CLIP2: variants seen among roughly 807,000 people sequenced by gnomAD.
The protein encoded by CLIP2 is CAP-Gly domain containing linker protein 2, also known as CAP-Gly domain-containing linker protein 2.
A neutral mutation model predicts 111.7 loss-of-function variants in CLIP2; 41 were observed. The ratio of observed to expected loss-of-function variants is 0.37; its 90% CI spans 0.29 to 0.48. The LOEUF is 0.48. CLIP2 is among the 20% of genes least tolerant of loss of function. The pLI is 0.99. For synonymous variants in CLIP2, 660 were observed against 644.2 expected (o/e 1.02, Z -0.37); for missense variants, 1,160 against 1,422.1 (o/e 0.82, Z 2.96).
At chr7:74,346,067 C>T (rs1554306177) in intron 3 of CLIP2, among the ~76,000 whole-genome samples, 2 of 151,988 alleles carry the variant, frequency 1.3e-5, no homozygotes, top group Non-Finnish European at 2.9e-5. Flanking sequence ...CACCCTCAAA[C>T]TCCTGGGTTC....
rs528598747 is a variant in CLIP2 at position 74,384,165 on chromosome 7, G to A, written c.2480-2356G>A. ...AGATCGCGCCACTGCACTCCTGCCT[G>A]GGTGACAGAGTGAGACTCCATCTCA... On this transcript the variant is annotated intron_variant, in intron 11 of 16. Transcript: ENST00000223398. Among the ~76,000 whole-genome samples, 7 of 152,126 alleles carry A rather than the reference G, an allele frequency of 4.6e-5. No homozygotes were observed. In the East Asian group the frequency reaches 1.4e-3, roughly 30 times the overall value.
At chr7:74,306,084 A>G (rs1435346606) in intron 1 of CLIP2, among the ~76,000 whole-genome samples, 18 of 151,868 alleles carry the variant, frequency 1.2e-4, no homozygotes, top group Admixed American at 1.2e-3. Flanking sequence ...TGTTGGGTGG[A>G]CCTGGCAGAG....
At chr7:74,295,812 G>T (rs7800685) in intron 1 of CLIP2, among the ~76,000 whole-genome samples, 1 of 151,778 alleles carries the variant, frequency 6.6e-6, no homozygotes, top group Non-Finnish European at 1.5e-5. Flanking sequence ...TGAGAGCAGC[G>T]TGGGCAACAG....
At chr7:74,403,214 C>CAAA (rs35885639) in intron 16 of CLIP2, among the ~76,000 whole-genome samples, 6 of 113,132 alleles carry the variant, frequency 5.3e-5, no homozygotes, top group African/African-American at 2.0e-4. Context: ...GAGACTGTCT[C>CAAA]AAAAAAAAAA....
chr7:74,386,138 C>T (rs1471704501), intron 11 of CLIP2, among the ~76,000 whole-genome samples: 2 of 151,528 alleles, frequency 1.3e-5, no homozygotes, highest in East Asian at 3.9e-4. Flanking sequence ...GCCTCTGCCT[C>T]CCGGGTTCAA....
chr7:74,302,201 A>G (rs782507112), intron 1 of CLIP2, among the ~76,000 whole-genome samples: 2 of 151,232 alleles, frequency 1.3e-5, no homozygotes, highest in African/African-American at 2.4e-5. Context: ...TGCCTCCTTT[A>G]TTTTTTATTT....
rs183621903 is a variant in CLIP2, at chr7:74,392,371, G to A, written c.2720+3112G>A. 3.8e-3 allele frequency among the ~76,000 whole-genome samples: 559 copies of A among 147,292 alleles called. 6 individuals are homozygous for A. The highest frequency in any genetic ancestry group is 0.015 in the South Asian group (69 of 4,568). ...ATCTCAAAAAAAAAAAAAAGAAAAG[G>A]AAAGAAAAGAAAATAGCTGGGCGTG... is the stretch of plus-strand genomic sequence containing the variant. On this transcript the variant is annotated intron_variant, in intron 13 of 16. Transcript: ENST00000223398.
At chr7:74,400,707 A>G in intron 15 of CLIP2, 152 bp downstream of exon 15, 1 of 762,720 alleles carries the variant, frequency 1.3e-6, no homozygotes. Flanking sequence ...AGGGGGAGGT[A>G]GCCCTGTCCC....
chr7:74,335,484 G>A (rs1789422609), intron 2 of CLIP2, among the ~76,000 whole-genome samples: 3 of 146,410 alleles, frequency 2.0e-5, no homozygotes, highest in Admixed American at 1.4e-4. Flanking sequence ...CTGCATAACT[G>A]CACCTGGCTT....
intron 1 of CLIP2, among the ~76,000 whole-genome samples, chr7:74,305,840 T>G (rs1788466243): frequency 8.1e-6 from 1 of 122,996 alleles, no homozygotes; most frequent in Non-Finnish European, 1.7e-5. Context: ...AGCTGGCTTC[T>G]CTCCCTGCAC....
At chr7:74,322,351 A>G (rs1009668121) in intron 2 of CLIP2, among the ~76,000 whole-genome samples, 2 of 150,300 alleles carry the variant, frequency 1.3e-5, no homozygotes, top group Non-Finnish European at 3.0e-5. Context: ...CATGCCTGTA[A>G]TCCCAGCCCT....
At chr7:74,307,567 C>A (rs183666938) in intron 1 of CLIP2, among the ~76,000 whole-genome samples, 1 of 152,098 alleles carries the variant, frequency 6.6e-6, no homozygotes, top group Non-Finnish European at 1.5e-5. Context: ...CTCGGCTCAC[C>A]ACAACCTCCG....
chr7:74,289,799 G>A (rs1322866877), intron 1 of CLIP2, 65 bp downstream of exon 1: 2 of 152,368 alleles, frequency 1.3e-5, no homozygotes, highest in Admixed American at 6.6e-5. Context: ...AGAGATGCGG[G>A]GGGCGGCGGC....
chr7:74,394,746 AT>A (rs1262621898), intron 13 of CLIP2, among the ~76,000 whole-genome samples: 1 of 152,174 alleles, frequency 6.6e-6, no homozygotes, highest in Non-Finnish European at 1.5e-5. Context: ...CAATCTAGGA[AT>A]TTTCCAGAAC....
At chr7:74,346,461 G>A (rs1382147405) in intron 3 of CLIP2, among the ~76,000 whole-genome samples, 2 of 151,748 alleles carry the variant, frequency 1.3e-5, no homozygotes, top group African/African-American at 2.4e-5. Context: ...AGTGGCTCAC[G>A]CCTATAATCC....
chr7:74,348,384 C>T (rs1440656981), intron 3 of CLIP2, among the ~76,000 whole-genome samples: 2 of 151,974 alleles, frequency 1.3e-5, no homozygotes, highest in African/African-American at 4.8e-5. Flanking sequence ...GGCTGGGTGA[C>T]GTGGCTCATA....
intron 1 of CLIP2, among the ~76,000 whole-genome samples, chr7:74,298,299 C>A (rs1264113050): frequency 1.3e-5 from 2 of 151,860 alleles, no homozygotes; most frequent in African/African-American, 4.8e-5. Flanking sequence ...AATTCTCATG[C>A]CTCAGCCTCT....
intron 10 of CLIP2, among the ~76,000 whole-genome samples, chr7:74,379,060 T>C (rs187197238): frequency 6.6e-6 from 1 of 152,274 alleles, no homozygotes; most frequent in African/African-American, 2.4e-5. Context: ...AGGTTTGAGG[T>C]TGCTGTGGTT....
chr7:74,313,644 C>T (rs1554728792), intron 1 of CLIP2, among the ~76,000 whole-genome samples: 1 of 152,070 alleles, frequency 6.6e-6, no homozygotes, highest in Non-Finnish European at 1.5e-5. Flanking sequence ...GCTGTGCTGT[C>T]TCTGTGTTGG....
Sources: gnomAD v4.1 joint callset for allele counts (sites outside exome capture counted in the v4.1 genomes callset) on GRCh38, gnomAD v4.1.1 for gene constraint, MANE v1.5 for transcripts, NCBI Gene and HGNC (gene_info 2026-07-23, HGNC 2026-07-21) for gene names.